DCC: variants seen among roughly 807,000 people sequenced by gnomAD.
The protein encoded by DCC is DCC netrin 1 receptor.
In DCC, 58 loss-of-function variants were observed where a neutral mutation model predicts 172.5. The observed-to-expected ratio is 0.34, with a 90% CI of 0.27 to 0.42. The LOEUF (loss-of-function observed/expected upper bound fraction) is 0.42, where lower values mean the gene tolerates loss of function less well. Ranked by LOEUF, DCC falls within the 10% of genes least tolerant of loss-of-function variation. The probability of loss-of-function intolerance (pLI) is 1.00; values close to 1 mark genes in which losing one functional copy is unlikely to be tolerated. For synonymous variants in DCC, 709 were observed against 644.5 expected (o/e 1.10, Z -1.52); for missense variants, 1,740 against 1,791.0 (o/e 0.97, Z 0.51).
intron 10 of DCC, among the ~76,000 whole-genome samples, chr18:53,206,563 T>TTATATAATACATATCTATACATCTATATG (rs2055649506): frequency 2.1e-5 from 3 of 145,056 alleles, no homozygotes; most frequent in Admixed American, 1.4e-4. Context: ...CATGTATGTA[T>TTATATAATACATATCTATACATCTATATG]TATATAATAC....
At chr18:52,798,314 G>A (rs1007646666) in intron 2 of DCC, among the ~76,000 whole-genome samples, 1 of 152,340 alleles carries the variant, frequency 6.6e-6, no homozygotes, top group Non-Finnish European at 1.5e-5. Flanking sequence ...CTGAGTGGTA[G>A]AAGTAGCAGA....
chr18:52,739,194 T>G (rs557500407), intron 1 of DCC, among the ~76,000 whole-genome samples: 36 of 152,316 alleles, frequency 2.4e-4, no homozygotes, highest in African/African-American at 8.7e-4. Context: ...CAGTCCGTCA[T>G]TAACCAAAAC....
chr18:52,593,663 G>A (rs539171947), intron 1 of DCC, among the ~76,000 whole-genome samples: 3 of 152,196 alleles, frequency 2.0e-5, no homozygotes, highest in East Asian at 3.9e-4. Context: ...TCAGCCTCAC[G>A]ACAATCGATA....
chr18:52,680,576 A>C (rs1032246700), intron 1 of DCC, among the ~76,000 whole-genome samples: 1 of 152,108 alleles, frequency 6.6e-6, no homozygotes, highest in African/African-American at 2.4e-5. Context: ...TATCTTCTCC[A>C]CCATTATACC....
chr18:52,510,149 G>A (rs892380188), intron 1 of DCC, among the ~76,000 whole-genome samples: 5 of 151,038 alleles, frequency 3.3e-5, no homozygotes, highest in Non-Finnish European at 5.9e-5. Context: ...TAGTTAGCAT[G>A]ACTGGGCTTC....
intron 9 of DCC, among the ~76,000 whole-genome samples, chr18:53,201,307 C>T (rs977545130): frequency 2.6e-5 from 4 of 152,122 alleles, no homozygotes; most frequent in Non-Finnish European, 4.4e-5. Context: ...ACAAAGAACA[C>T]CCTTTCCATG....
intron 12 of DCC, among the ~76,000 whole-genome samples, chr18:53,267,773 C>T (rs1403365840): frequency 3.3e-5 from 5 of 152,192 alleles, no homozygotes; most frequent in Middle Eastern, 3.4e-3. Flanking sequence ...GCCACATATT[C>T]GTTATTGTTA....
chr18:53,468,615 T>C (rs553065698), intron 25 of DCC, among the ~76,000 whole-genome samples: 1 of 152,220 alleles, frequency 6.6e-6, no homozygotes, highest in South Asian at 2.1e-4. Flanking sequence ...GCTCCTGACC[T>C]CATGTGATCC....
intron 2 of DCC, among the ~76,000 whole-genome samples, chr18:52,819,206 C>CAAA (rs71829384): frequency 0.11 from 16,957 of 152,096 alleles, 1,022 homozygotes; most frequent in South Asian, 0.2. Flanking sequence ...ACCAACAAGA[C>CAAA]AAAGAGCTAA....
chr18:53,499,314 A>G lies in DCC; in HGVS notation c.3915A>G (p.Pro1305=). 6.2e-7 allele frequency: 1 copy of G among 1,614,018 alleles called. No homozygotes were observed. Among genetic ancestry groups the G allele is most frequent in the South Asian group, 1.1e-5 (1 of 91,080 alleles). Residue 1305 remains proline (P), a synonymous_variant, in exon 27 of 29, where the codon CCA becomes CCG. Transcript: ENST00000442544. Reference sequence around the variant, plus strand: ...CCACTGCAGCAGTGAGTGAAGGACCAACTACCCAACAACCACCTATGCTGC... The same window carrying G: ...CCACTGCAGCAGTGAGTGAAGGACCGACTACCCAACAACCACCTATGCTGC... ...AGRSQSVSEG[P]TTQQPPMLPP...
rs1418203922 is a variant in DCC at position 53,086,276 on chromosome 18, T to C, written c.1261+20110T>C. Among the ~76,000 whole-genome samples the C allele has an allele frequency of 1.2e-4, 5 of 41,610 alleles. No homozygotes were observed. The East Asian group carries it at 2.5e-3, about 21-fold the overall frequency. 27.3% of individuals were successfully genotyped at this position (41,610 alleles called of 152,430 possible). ...TTCTTCTTCTTCTTCTTCTTCTTCCTTTCTTCTTCTTCTTCTTCTTCCTTT... is the reference window on the plus strand; with the variant it reads ...TTCTTCTTCTTCTTCTTCTTCTTCCCTTCTTCTTCTTCTTCTTCTTCCTTT... On this transcript the variant is annotated intron_variant, in intron 7 of 28. Transcript: ENST00000442544.
At chr18:52,985,426 A>G (rs951436503) in intron 5 of DCC, among the ~76,000 whole-genome samples, 2 of 152,112 alleles carry the variant, frequency 1.3e-5, no homozygotes, top group Admixed American at 1.3e-4. Context: ...ACTGCTGATG[A>G]GAAAGATAGT....
At chr18:53,216,316 A>G (rs2055848365) in intron 12 of DCC, among the ~76,000 whole-genome samples, 2 of 152,184 alleles carry the variant, frequency 1.3e-5, no homozygotes, top group African/African-American at 2.4e-5. Context: ...CCACCTGGCC[A>G]CTATGCTTGG....
intron 1 of DCC, among the ~76,000 whole-genome samples, chr18:52,650,817 T>C (rs996307049): frequency 1.3e-5 from 2 of 152,214 alleles, no homozygotes; most frequent in African/African-American, 4.8e-5. Context: ...AGGGAGAAAG[T>C]ACCATTGAAC....
intron 12 of DCC, among the ~76,000 whole-genome samples, chr18:53,273,276 T>C (rs2056768738): frequency 6.6e-6 from 1 of 152,176 alleles, no homozygotes; most frequent in South Asian, 2.1e-4. Flanking sequence ...CATGAGCCTC[T>C]GAATTTTATT....
chr18:53,416,857 T>G (rs770443674), intron 21 of DCC, among the ~76,000 whole-genome samples: 7 of 152,212 alleles, frequency 4.6e-5, no homozygotes, highest in Non-Finnish European at 1.0e-4. Context: ...TGTAGACTGA[T>G]TGATAAATTA....
intron 1 of DCC, among the ~76,000 whole-genome samples, chr18:52,503,849 T>C (rs1046323742): frequency 6.6e-6 from 1 of 152,130 alleles, no homozygotes; most frequent in African/African-American, 2.4e-5. Flanking sequence ...GTATTCAGCC[T>C]ACTCAGGGAA....
chr18:52,974,334 A>C (rs1416902767), intron 5 of DCC, among the ~76,000 whole-genome samples: 6 of 152,110 alleles, frequency 3.9e-5, no homozygotes, highest in Non-Finnish European at 8.8e-5. Flanking sequence ...AGATTGAGGC[A>C]TGAAATAGGT....
intron 1 of DCC, among the ~76,000 whole-genome samples, chr18:52,360,074 T>G (rs545598814): frequency 1.9e-4 from 29 of 152,336 alleles, no homozygotes; most frequent in African/African-American, 3.8e-4. Context: ...ATTACACTAT[T>G]GCTTTTTATT....
Sources: allele counts gnomAD v4.1 joint callset (sites outside exome capture counted in the v4.1 genomes callset), GRCh38; gene constraint gnomAD v4.1.1; transcripts MANE v1.5; gene names NCBI Gene and HGNC (gene_info 2026-07-23, HGNC 2026-07-21).